Variants in TRAPPC8 observed in about 807,000 individuals in gnomAD.
The protein encoded by TRAPPC8 is general sporulation gene 1 homolog.
TRAPPC8 carries 54 observed loss-of-function variants against 174.3 expected under a neutral mutation model. The ratio of observed to expected loss-of-function variants is 0.31; its 90% CI spans 0.25 to 0.39. The LOEUF (loss-of-function observed/expected upper bound fraction) is 0.39, where lower values mean the gene tolerates loss of function less well. TRAPPC8 is among the 10% of genes least tolerant of loss of function. The pLI is 1.00. For missense variants in TRAPPC8, 1,531 were observed against 1,699.1 expected (o/e 0.90, Z 1.74); for synonymous variants, 630 against 579.9 (o/e 1.09, Z -1.24).
chr18:31,902,975 G>T lies in TRAPPC8; in HGVS notation c.1390-1950C>A, dbSNP rs540881358. On this transcript the variant is annotated intron_variant, in intron 9 of 28. Coordinates refer to ENST00000283351, the MANE Select transcript of TRAPPC8 (RefSeq NM_014939.5). ...GAGGCAGGAGAATGGCGTGAACCCC[G>T]GGGAGCGGAGCCTGCAGTGAGCCGA... 6.0e-4 allele frequency among the ~76,000 whole-genome samples: 91 copies of T among 151,782 alleles called. 2 individuals are homozygous for T. In the South Asian group the frequency reaches 0.012, roughly 19 times the overall value.
chr18:31,878,949 C>T (rs1283443794), intron 12 of TRAPPC8, among the ~76,000 whole-genome samples: 3 of 152,134 alleles, frequency 2.0e-5, no homozygotes, highest in African/African-American at 7.2e-5. Flanking sequence ...CATATACACA[C>T]TCAATACCAG....
intron 11 of TRAPPC8, 52 bp from the exon 12 acceptor site, chr18:31,890,918 AT>A: frequency 1.3e-6 from 2 of 1,528,848 alleles, no homozygotes; most frequent in Non-Finnish European, 1.8e-6. Flanking sequence ...TTAAAAGTAA[AT>A]AGATAACTAG....
At chr18:31,848,199 T>C (rs1265082457) in intron 25 of TRAPPC8, among the ~76,000 whole-genome samples, 1 of 152,162 alleles carries the variant, frequency 6.6e-6, no homozygotes, top group Non-Finnish European at 1.5e-5. Context: ...GTATTCAAAC[T>C]TCCATTTCCC....
intron 26 of TRAPPC8, among the ~76,000 whole-genome samples, chr18:31,841,072 A>C (rs1261066746): frequency 1.3e-5 from 2 of 152,206 alleles, no homozygotes; most frequent in Non-Finnish European, 2.9e-5. Context: ...CTGGTATGAT[A>C]TACAAATGTA....
chr18:31,852,108 G>A (rs2033735954), intron 24 of TRAPPC8, among the ~76,000 whole-genome samples: 1 of 152,100 alleles, frequency 6.6e-6, no homozygotes, highest in Admixed American at 6.5e-5. Context: ...GGGAGGTTGA[G>A]GCAGGCAGAT....
intron 13 of TRAPPC8, chr18:31,873,825 T>A (rs1248040531): frequency 7.9e-6 from 2 of 254,392 alleles, no homozygotes; most frequent in Non-Finnish European, 7.6e-6. Context: ...TATGACTCAT[T>A]ATAGCATCCT....
intron 18 of TRAPPC8, among the ~76,000 whole-genome samples, 193 bp from the exon 19 acceptor site, chr18:31,864,974 A>T (rs2034517540): frequency 1.3e-5 from 2 of 152,108 alleles, no homozygotes; most frequent in East Asian, 3.8e-4. Flanking sequence ...TATGCTACTT[A>T]ATTTCTCACT....
Position 31,867,493 on chromosome 18 carries a change from A to G in TRAPPC8, c.2389-17T>C, listed in dbSNP as rs544721171. The G allele has an allele frequency of 3.3e-6, 5 of 1,532,066 alleles. No individual in the cohort carries two copies. Among genetic ancestry groups the G allele is most frequent in the East Asian group, 4.5e-5 (2 of 44,250 alleles). The allele number at this position is 1,532,066 out of a possible 1,614,324, so 94.9% of individuals were successfully genotyped here. A position where few individuals can be genotyped will look rare whatever the true frequency, so the allele number is the denominator to read the frequency against. Reference sequence around the variant, plus strand: ...ACTTGTAACCTAAAAAATAAATTTCATAAATTATACATTCCAATGAACAAA... The same window carrying G: ...ACTTGTAACCTAAAAAATAAATTTCGTAAATTATACATTCCAATGAACAAA... On this transcript the variant is annotated splice_polypyrimidine_tract_variant and intron_variant, in intron 16 of 28. Coordinates refer to ENST00000283351, the MANE Select transcript of TRAPPC8 (RefSeq NM_014939.5).
rs1240074537 is a variant in TRAPPC8 at position 31,901,041 on chromosome 18, T to C, written c.1390-16A>G. On this transcript the variant is annotated splice_polypyrimidine_tract_variant and intron_variant, in intron 9 of 28. Transcript: ENST00000283351. The stretch of plus-strand genomic sequence containing the variant: ...CTGCCATTTCCTAAAATAAAAGACA[T>C]AGTTTACATATTTCAAAAGAAGAAA... 10 of 1,565,032 alleles carry C rather than the reference T, an allele frequency of 6.4e-6. No individual in the cohort carries two copies. The highest frequency in any genetic ancestry group is 2.1e-5 in the Admixed American group (1 of 46,672).
intron 9 of TRAPPC8, among the ~76,000 whole-genome samples, chr18:31,906,909 T>A (rs2036684669): frequency 6.6e-6 from 1 of 152,016 alleles, no homozygotes; most frequent in African/African-American, 2.4e-5. Context: ...GATGAGAGAG[T>A]GTCTCACACC....
At position 31,909,700 on chromosome 18, in the gene TRAPPC8, G is replaced by A; in HGVS notation, c.832C>T (p.Leu278Phe). 5 of 1,600,876 alleles carry A rather than the reference G, an allele frequency of 3.1e-6. No individual in the cohort carries two copies. The highest frequency in any genetic ancestry group is 2.6e-6 in the Non-Finnish European group (3 of 1,176,346). ...TSNKNSDNNL[L>F]SLDGLDNEVK... ...TCGTTATCTAATCCATCCAATGAAA[G>A]CAAGTTATTATCAGAATTCTTATTT... The change falls in exon 6 of 29, where the codon CTT becomes TTT. Residue 278 changes from leucine to phenylalanine, a missense_variant. Physicochemically the swap from Leu to Phe is conservative, Grantham distance 22 (BLOSUM62 0). Coordinates refer to ENST00000283351, the MANE Select transcript of TRAPPC8 (RefSeq NM_014939.5).
At chr18:31,900,861 A>C in intron 10 of TRAPPC8, 64 bp downstream of exon 10, 2 of 1,314,318 alleles carry the variant, frequency 1.5e-6, no homozygotes, top group Non-Finnish European at 1.0e-6. Flanking sequence ...AATGGGGAAA[A>C]AAAAAAAAAA....
intron 26 of TRAPPC8, among the ~76,000 whole-genome samples, chr18:31,840,306 G>A (rs567609831): frequency 2.7e-5 from 4 of 146,126 alleles, no homozygotes; most frequent in South Asian, 4.7e-4. Context: ...GTAGTGAGCC[G>A]AGATTGCACC....
chr18:31,866,788 T>C, intron 18 of TRAPPC8, 61 bp downstream of exon 18: 1 of 1,564,306 alleles, frequency 6.4e-7, no homozygotes. Flanking sequence ...TTTTGTCCAT[T>C]TTATTCTATG....
intron 25 of TRAPPC8, among the ~76,000 whole-genome samples, chr18:31,847,654 T>G (rs1349024771): frequency 6.6e-6 from 1 of 152,200 alleles, no homozygotes; most frequent in East Asian, 1.9e-4. Flanking sequence ...GCTCAGGACC[T>G]GTTCAGCGTC....
intron 21 of TRAPPC8, among the ~76,000 whole-genome samples, chr18:31,854,689 C>A (rs750188521): frequency 5.7e-4 from 86 of 152,100 alleles, no homozygotes; most frequent in Admixed American, 1.6e-3. Flanking sequence ...TCATTTTTGG[C>A]CGAGCACGGT....
Position 31,942,687 on chromosome 18 carries a change from G to A in TRAPPC8, c.78C>T (p.Asp26=), listed in dbSNP as rs763453615. Residue 26 remains aspartate, a synonymous_variant, in exon 1 of 29, where the codon GAC becomes GAT. Coordinates refer to ENST00000283351, the MANE Select transcript of TRAPPC8 (RefSeq NM_014939.5). The stretch of plus-strand genomic sequence containing the variant: ...TGAGACGAGTGAGCCGCTCGGCTTC[G>A]TCGCTGCACAGCGCAGCGACACAGG... ...FVPCVAALCS[D]EAERLTRLNH... The A allele has an allele frequency of 1.2e-6, 2 of 1,608,952 alleles. No homozygotes were observed. Among genetic ancestry groups the A allele is most frequent in the East Asian group, 2.2e-5 (1 of 44,574 alleles).
At chr18:31,832,255 T>C (rs1424146184) in intron 27 of TRAPPC8, 82 bp from the exon 28 acceptor site, 4 of 668,446 alleles carry the variant, frequency 6.0e-6, no homozygotes, top group Admixed American at 4.0e-5. Flanking sequence ...CTTAAGACTA[T>C]GTAACAGAGC....
chr18:31,831,511 C>G (rs1388026901), intron 28 of TRAPPC8, among the ~76,000 whole-genome samples: 1 of 152,138 alleles, frequency 6.6e-6, no homozygotes, highest in Non-Finnish European at 1.5e-5. Flanking sequence ...TGGATTATTT[C>G]ATTTAATGCC....
Sources: gnomAD v4.1 joint callset for allele counts (sites outside exome capture counted in the v4.1 genomes callset) on GRCh38, gnomAD v4.1.1 for gene constraint, MANE v1.5 for transcripts, NCBI Gene and HGNC (gene_info 2026-07-23, HGNC 2026-07-21) for gene names.